Variants in CNTNAP2 observed in about 807,000 individuals in gnomAD.
CNTNAP2 encodes contactin associated protein 2, also known as contactin-associated protein-like 2.
Under a neutral mutation model 155.2 loss-of-function variants are expected in CNTNAP2, and 98 were observed. The ratio of observed to expected loss-of-function variants is 0.63; its 90% confidence interval spans 0.54 to 0.75. The LOEUF (loss-of-function observed/expected upper bound fraction) is 0.75. Among genes scored for constraint, CNTNAP2 ranks in the 30% least tolerant of loss-of-function variants. The probability of loss-of-function intolerance (pLI) is 0.00; values close to 1 mark genes in which losing one functional copy is unlikely to be tolerated. For missense variants in CNTNAP2, 1,727 were observed against 1,688.1 expected (o/e 1.02, Z -0.40); for synonymous variants, 651 against 631.2 (o/e 1.03, Z -0.47).
intron 3 of CNTNAP2, among the ~76,000 whole-genome samples, chr7:146,911,229 C>A (rs1284380923): frequency 0.013 from 1,899 of 151,676 alleles, 44 homozygotes; most frequent in African/African-American, 0.043. Flanking sequence ...TAGTTCAACC[C>A]TTGTGGAAGT....
intron 15 of CNTNAP2, among the ~76,000 whole-genome samples, chr7:148,051,450 CAG>C (rs1376455605): frequency 6.6e-6 from 1 of 151,062 alleles, no homozygotes; most frequent in Non-Finnish European, 1.5e-5. Context: ...GAAATGAAAA[CAG>C]AAACTGCACC....
chr7:148,313,266 G>A lies in CNTNAP2; in HGVS notation c.3475+46140G>A, dbSNP rs116564717. 8.0e-3 allele frequency among the ~76,000 whole-genome samples: 1,205 copies of A among 149,790 alleles called. 13 individuals carry two copies. Among genetic ancestry groups the A allele is most frequent in the African/African-American group, 0.028 (1,123 of 40,802 alleles). On this transcript the variant is annotated intron_variant, in intron 21 of 23. Coordinates refer to ENST00000361727, the MANE Select transcript of CNTNAP2 (RefSeq NM_014141.6). ...CCACTGTGAGAATTACCAGAAGATC[G>A]GCATCCGTGATAGTCTAGGGGGCTT...
intron 1 of CNTNAP2, among the ~76,000 whole-genome samples, chr7:146,306,752 T>A (rs895673174): frequency 6.6e-6 from 1 of 151,812 alleles, no homozygotes; most frequent in East Asian, 1.9e-4. Context: ...TCTCAGTAGA[T>A]GCTGAAAGGC....
intron 3 of CNTNAP2, among the ~76,000 whole-genome samples, chr7:146,934,480 G>A (rs1409744599): frequency 6.6e-6 from 1 of 151,232 alleles, no homozygotes; most frequent in Non-Finnish European, 1.5e-5. Flanking sequence ...GAGAGCAATA[G>A]GAGATATACC....
At chr7:148,116,004 T>C (rs1804461561) in intron 15 of CNTNAP2, among the ~76,000 whole-genome samples, 1 of 151,646 alleles carries the variant, frequency 6.6e-6, no homozygotes, top group African/African-American at 2.4e-5. Flanking sequence ...CCTGGCATGG[T>C]GGTGTGTGCC....
intron 1 of CNTNAP2, among the ~76,000 whole-genome samples, chr7:146,480,897 T>G (rs1400995994): frequency 6.6e-6 from 1 of 151,684 alleles, no homozygotes; most frequent in Non-Finnish European, 1.5e-5. Context: ...TTAGCCAGAA[T>G]GGTCTCGATC....
rs575225674 is a variant in CNTNAP2 at position 147,147,864 on chromosome 7, A to G, written c.1348+15355A>G. Reference sequence around the variant, plus strand: ...GAGTAATAAATGAGATGAAAAAATTATATAATGAGAGAAAAAAAGTAACAG... The same window carrying G: ...GAGTAATAAATGAGATGAAAAAATTGTATAATGAGAGAAAAAAAGTAACAG... On this transcript the variant is annotated intron_variant, in intron 8 of 23. Transcript: ENST00000361727. Among the ~76,000 whole-genome samples the G allele has an allele frequency of 2.0e-5, 3 of 152,310 alleles. No homozygotes were observed. In the East Asian group the frequency reaches 5.8e-4, roughly 29 times the overall value.
intron 1 of CNTNAP2, among the ~76,000 whole-genome samples, chr7:146,578,249 G>C (rs1203722563): frequency 6.6e-6 from 1 of 152,100 alleles, no homozygotes. Flanking sequence ...TGAGATGGTA[G>C]TTTTGCCTGG....
rs115966328 is a variant in CNTNAP2 at position 147,890,864 on chromosome 7, T to C, written c.2099-12701T>C. 7.8e-3 allele frequency among the ~76,000 whole-genome samples: 1,191 copies of C among 152,238 alleles called. 9 individuals carry two copies. The highest frequency in any genetic ancestry group is 0.027 in the African/African-American group (1,120 of 41,534). On this transcript the variant is annotated intron_variant, in intron 13 of 23. Transcript: ENST00000361727. ...ATTTTAGTTAGATAGGAGGAATAAG[T>C]TCAAGAGATCTATTGTACAACATGA...
intron 8 of CNTNAP2, among the ~76,000 whole-genome samples, chr7:147,143,656 A>G (rs1301643953): frequency 6.6e-6 from 1 of 152,214 alleles, no homozygotes; most frequent in African/African-American, 2.4e-5. Flanking sequence ...AACCAAATTC[A>G]TTATAAAAGA....
At chr7:146,333,331 GTGATCAGGGTGA>G (rs1331241878) in intron 1 of CNTNAP2, among the ~76,000 whole-genome samples, 1 of 152,116 alleles carries the variant, frequency 6.6e-6, no homozygotes, top group Non-Finnish European at 1.5e-5. Context: ...GCAATGTTGG[GTGATCAGGGTGA>G]TGATTGTAAT....
intron 9 of CNTNAP2, among the ~76,000 whole-genome samples, chr7:147,340,862 T>C (rs918685595): frequency 6.6e-6 from 1 of 152,090 alleles, no homozygotes; most frequent in Non-Finnish European, 1.5e-5. Flanking sequence ...GCTTGCTCTG[T>C]CAGAAATGAC....
At chr7:146,216,632 T>A (rs1799118204) in intron 1 of CNTNAP2, among the ~76,000 whole-genome samples, 1 of 152,192 alleles carries the variant, frequency 6.6e-6, no homozygotes, top group Admixed American at 6.5e-5. Flanking sequence ...CTCCTGCTCC[T>A]CTTTTACGTA....
At chr7:147,645,882 T>C (rs1345680339) in intron 13 of CNTNAP2, among the ~76,000 whole-genome samples, 1 of 152,148 alleles carries the variant, frequency 6.6e-6, no homozygotes, top group East Asian at 1.9e-4. Context: ...GGCGTCAGAA[T>C]GGCTGGAGTA....
At chr7:147,275,871 T>G (rs943577204) in intron 8 of CNTNAP2, among the ~76,000 whole-genome samples, 5 of 152,116 alleles carry the variant, frequency 3.3e-5, no homozygotes, top group Non-Finnish European at 7.4e-5. Context: ...GTTGTTATCA[T>G]AAAGGCATGT....
intron 13 of CNTNAP2, among the ~76,000 whole-genome samples, chr7:147,645,064 A>T (rs1171971972): frequency 6.6e-6 from 1 of 152,128 alleles, no homozygotes; most frequent in African/African-American, 2.4e-5. Context: ...AATATAAATT[A>T]TATATATTTT....
At chr7:147,806,899 C>G (rs974331092) in intron 13 of CNTNAP2, among the ~76,000 whole-genome samples, 1 of 152,052 alleles carries the variant, frequency 6.6e-6, no homozygotes, top group African/African-American at 2.4e-5. Flanking sequence ...TACAAAACTA[C>G]AGTTAGGTAG....
intron 1 of CNTNAP2, among the ~76,000 whole-genome samples, chr7:146,527,000 C>T (rs1464757455): frequency 2.0e-5 from 3 of 151,982 alleles, no homozygotes; most frequent in Middle Eastern, 6.8e-3. Flanking sequence ...TCAGTTCTCC[C>T]GCCTCGGCCT....
chr7:146,874,565 C>T (rs547648160), intron 3 of CNTNAP2, among the ~76,000 whole-genome samples: 50 of 152,210 alleles, frequency 3.3e-4, no homozygotes, highest in African/African-American at 1.2e-3. Context: ...TCTTGAACTC[C>T]TGACCTCAGG....
Sources: allele counts gnomAD v4.1 joint callset (sites outside exome capture counted in the v4.1 genomes callset), GRCh38; gene constraint gnomAD v4.1.1; transcripts MANE v1.5; gene names NCBI Gene and HGNC (gene_info 2026-07-23, HGNC 2026-07-21).